NBN: variants seen among roughly 807,000 people sequenced by gnomAD.
NBN encodes nibrin.
NBN carries 88 observed loss-of-function variants against 90.8 expected under a neutral mutation model. That is an observed-to-expected ratio of 0.97 (90% CI 0.82 to 1.16). The LOEUF (loss-of-function observed/expected upper bound fraction) is 1.16. Among genes scored for constraint, NBN ranks in the 50% most tolerant of loss-of-function variants. The probability of loss-of-function intolerance (pLI) is 0.00; values close to 1 mark genes in which losing one functional copy is unlikely to be tolerated. For synonymous variants in NBN, 328 were observed against 295.1 expected, an observed-to-expected ratio of 1.11 and a Z score of -1.14; for missense variants, 894 against 869.6, an observed-to-expected ratio of 1.03 and a Z score of -0.35.
At chr8:89,970,671 T>C (rs1811473321) in intron 6 of NBN, 114 bp from the exon 7 acceptor site, 2 of 1,032,562 alleles carry the variant, frequency 1.9e-6, no homozygotes, top group South Asian at 1.4e-5. Context: ...TGCTACTTCT[T>C]GAGTAGGTCA....
At chr8:89,935,647 G>A in intron 15 of NBN, 35 bp from the exon 16 acceptor site, 1 of 1,600,572 alleles carries the variant, frequency 6.2e-7, no homozygotes, top group Non-Finnish European at 8.6e-7. Context: ...ATGATATTTA[G>A]ATAAGGGATG....
intron 6 of NBN, 37 bp from the exon 7 acceptor site, chr8:89,970,594 T>A: frequency 6.3e-7 from 1 of 1,581,426 alleles, no homozygotes; most frequent in Non-Finnish European, 8.7e-7. Context: ...AAGTAAAATG[T>A]AGTAATTTTT....
chr8:89,968,504 T>C (rs1811354533), intron 7 of NBN, among the ~76,000 whole-genome samples: 2 of 152,162 alleles, frequency 1.3e-5, no homozygotes, highest in African/African-American at 4.8e-5. Flanking sequence ...ATCTGCACAG[T>C]GAGGACCACA....
chr8:89,961,092 C>T (rs945776384), intron 8 of NBN, among the ~76,000 whole-genome samples: 1 of 152,090 alleles, frequency 6.6e-6, no homozygotes, highest in African/African-American at 2.4e-5. Context: ...GTCAGAAAAC[C>T]AAATTTTAGA....
chr8:89,945,376 A>AT (rs995920324), intron 13 of NBN, among the ~76,000 whole-genome samples: 3 of 152,214 alleles, frequency 2.0e-5, no homozygotes, highest in African/African-American at 7.2e-5. Flanking sequence ...TTTAGGTACT[A>AT]TTACAGAAGG....
chr8:89,974,802 T>C lies in NBN; in HGVS notation c.584+3418A>G, dbSNP rs138415995. Among the ~76,000 whole-genome samples the C allele has an allele frequency of 3.2e-3, 493 of 152,312 alleles. 14 individuals are homozygous for C. The highest frequency in any genetic ancestry group is 0.027 in the Admixed American group (419 of 15,296). On this transcript the variant is annotated intron_variant, in intron 5 of 15. Transcript: ENST00000265433. ...TCACTGCAAACATACCCTTGAGAAATGGTCTGTGTAAAGGAGGGTCAAGGC... is the reference window on the plus strand; with the variant it reads ...TCACTGCAAACATACCCTTGAGAAACGGTCTGTGTAAAGGAGGGTCAAGGC...
chr8:89,967,145 T>G (rs1811292358), intron 7 of NBN, among the ~76,000 whole-genome samples: 1 of 152,196 alleles, frequency 6.6e-6, no homozygotes, highest in South Asian at 2.1e-4. Context: ...GGGTTTTCTG[T>G]GTGTACTCTG....
chr8:89,968,623 C>T (rs1459332333), intron 7 of NBN, among the ~76,000 whole-genome samples: 2 of 152,040 alleles, frequency 1.3e-5, no homozygotes, highest in African/African-American at 2.4e-5. Flanking sequence ...ACTGCTGTTG[C>T]TCTGCTTGGC....
At chr8:89,968,694 C>G (rs1169987935) in intron 7 of NBN, among the ~76,000 whole-genome samples, 1 of 152,012 alleles carries the variant, frequency 6.6e-6, no homozygotes, top group Admixed American at 6.6e-5. Context: ...TAAAAGAGGC[C>G]TTCTCTGTTT....
chr8:89,957,456 G>A (rs920611427), intron 9 of NBN, among the ~76,000 whole-genome samples: 9 of 152,182 alleles, frequency 5.9e-5, no homozygotes, highest in Admixed American at 1.3e-4. Flanking sequence ...AAAAGTTACA[G>A]TAAGCTAAGG....
intron 14 of NBN, among the ~76,000 whole-genome samples, chr8:89,939,724 A>C (rs1235701005): frequency 6.6e-6 from 1 of 152,230 alleles, no homozygotes; most frequent in Non-Finnish European, 1.5e-5. Context: ...CTGAACAGGG[A>C]AAACAACTGC....
chr8:89,966,753 A>C (rs969732901), intron 7 of NBN, among the ~76,000 whole-genome samples: 1 of 152,224 alleles, frequency 6.6e-6, no homozygotes, highest in African/African-American at 2.4e-5. Context: ...GCAAAAAAAG[A>C]CTTGTTCTAC....
chr8:89,968,726 G>T (rs144930317), intron 7 of NBN, among the ~76,000 whole-genome samples: 323 of 152,118 alleles, frequency 2.1e-3, no homozygotes, highest in African/African-American at 7.5e-3. Context: ...CTTCCCCACT[G>T]CCGGGTTACT....
chr8:89,935,452 TTAATAAATTTAGGCCA>T lies in NBN; in HGVS notation c.*114_*129del. 3.8e-6 allele frequency: 4 copies of T among 1,046,302 alleles called. No homozygotes were observed. The South Asian group carries it at 5.9e-5, about 15-fold the overall frequency. 64.8% of individuals were successfully genotyped at this position (1,046,302 alleles called of 1,614,324 possible). ...AGAATCAAAGTTTTGTGCATTTTATTTAATAAATTTAGGCCATAAAACATTGTAACTTAAATCGCTT... is the reference window on the plus strand; with the variant it reads ...AGAATCAAAGTTTTGTGCATTTTATTTAAAACATTGTAACTTAAATCGCTT... On this transcript the variant is annotated 3_prime_UTR_variant, in exon 16 of 16. Transcript: ENST00000265433.
At chr8:89,939,439 C>CAAA (rs35152289) in intron 14 of NBN, among the ~76,000 whole-genome samples, 2 of 148,156 alleles carry the variant, frequency 1.3e-5, no homozygotes, top group African/African-American at 2.5e-5. Context: ...ATGAAATAAG[C>CAAA]AAAAAAAAAA....
chr8:89,969,347 A>G (rs1811395482), intron 7 of NBN, among the ~76,000 whole-genome samples: 1 of 152,228 alleles, frequency 6.6e-6, no homozygotes, highest in Non-Finnish European at 1.5e-5. Flanking sequence ...ATAATAGCCT[A>G]TATAAGGATA....
rs1477953712 is a variant in NBN at position 89,946,269 on chromosome 8, A to G, written c.1941T>C (p.Ser647=). 1 of 1,581,076 alleles carries G rather than the reference A, an allele frequency of 6.3e-7. No individual in the cohort carries two copies. Among genetic ancestry groups the G allele is most frequent in the African/African-American group, 1.3e-5 (1 of 74,320 alleles). The change falls in exon 13 of 16, where the codon AGT becomes AGC. Residue 647 remains serine, a synonymous_variant. Coordinates refer to ENST00000265433, the MANE Select transcript of NBN (RefSeq NM_002485.5). ...ISNNDKLQDD[S]EMLPKKLLLT... ...ATAACAGCTTTTTTGGAAGCATCTC[A>G]CTATCATCCTGAAGTTTGTCATTGT...
Position 89,935,452 on chromosome 8 carries a change from T to C in NBN, c.*130A>G. On this transcript the variant is annotated 3_prime_UTR_variant, in exon 16 of 16. Coordinates refer to ENST00000265433, the MANE Select transcript of NBN (RefSeq NM_002485.5). Reference sequence around the variant, plus strand: ...AGAATCAAAGTTTTGTGCATTTTATTTAATAAATTTAGGCCATAAAACATT... The same window carrying C: ...AGAATCAAAGTTTTGTGCATTTTATCTAATAAATTTAGGCCATAAAACATT... 2 of 1,046,302 alleles carry C rather than the reference T, an allele frequency of 1.9e-6. No individual in the cohort carries two copies. Among genetic ancestry groups the C allele is most frequent in the Non-Finnish European group, 2.8e-6 (2 of 704,362 alleles). The allele number at this position is 1,046,302 out of a possible 1,614,324, so 64.8% of individuals were successfully genotyped here.
intron 7 of NBN, among the ~76,000 whole-genome samples, chr8:89,968,753 T>C (rs115985795): frequency 0.015 from 2,328 of 152,262 alleles, 52 homozygotes; most frequent in African/African-American, 0.052. Flanking sequence ...TTTATATACA[T>C]GTGTAATGAT....
Sources: gnomAD v4.1 joint callset for allele counts (sites outside exome capture counted in the v4.1 genomes callset) on GRCh38, gnomAD v4.1.1 for gene constraint, MANE v1.5 for transcripts, NCBI Gene and HGNC (gene_info 2026-07-23, HGNC 2026-07-21) for gene names.